ABCC5: variants seen among roughly 807,000 people sequenced by gnomAD.
ABCC5 encodes the protein ATP binding cassette subfamily C member 5.
ABCC5 carries 61 observed loss-of-function variants against 160.9 expected under a neutral mutation model. The observed-to-expected ratio is 0.38, with a 90% CI of 0.31 to 0.47. The LOEUF (loss-of-function observed/expected upper bound fraction) is 0.47, where lower values mean the gene tolerates loss of function less well. Among genes scored for constraint, ABCC5 ranks in the 20% least tolerant of loss-of-function variants. ABCC5 has a pLI of 0.99. For synonymous variants in ABCC5, 666 were observed against 700.6 expected (o/e 0.95, Z 0.78); for missense variants, 1,308 against 1,813.3 (o/e 0.72, Z 5.06).
intron 11 of ABCC5, 72 bp downstream of exon 11, chr3:183,971,491 A>G (rs1717738292): frequency 7.1e-7 from 1 of 1,401,728 alleles, no homozygotes; most frequent in Admixed American, 2.2e-5. Flanking sequence ...AAGGAACAGC[A>G]GCCGCCTATT....
intron 5 of ABCC5, chr3:183,985,420 T>TC (rs776920743): frequency 2.6e-6 from 4 of 1,537,842 alleles, no homozygotes; most frequent in Non-Finnish European, 2.7e-6. Context: ...ACAGAGAGAC[T>TC]CCCCCCAAAT....
chr3:183,929,033 C>A (rs555019654), intron 26 of ABCC5, among the ~76,000 whole-genome samples: 2 of 152,146 alleles, frequency 1.3e-5, no homozygotes, highest in African/African-American at 2.4e-5. Flanking sequence ...TTGATTTATT[C>A]TTTTACTATT....
At chr3:183,984,563 G>A (rs1226279037) in intron 5 of ABCC5, 3 of 1,316,826 alleles carry the variant, frequency 2.3e-6, no homozygotes, top group Non-Finnish European at 2.9e-6. Context: ...TAGGTCCTAG[G>A]AGATCCCCAC....
rs1033925003 is a variant in ABCC5, at chr3:183,949,057, T to C, written c.3227+696A>G. ...ACATACTCAAAGGTAGCATACAATA[T>C]ATTAATACACACATCTGTACTCTGC... is the stretch of plus-strand genomic sequence containing the variant. On this transcript the variant is annotated intron_variant, in intron 22 of 29. Coordinates refer to ENST00000334444, the MANE Select transcript of ABCC5 (RefSeq NM_005688.4). The surrounding 1 kb of genome is among the most constrained non-coding windows in gnomAD (Gnocchi z 4.2). Among the ~76,000 whole-genome samples the C allele has an allele frequency of 1.2e-4, 18 of 152,190 alleles. No homozygotes were observed. The highest frequency in any genetic ancestry group is 4.3e-4 in the African/African-American group (18 of 41,438).
chr3:183,926,254 G>A (rs1342195977), intron 28 of ABCC5, among the ~76,000 whole-genome samples: 1 of 145,278 alleles, frequency 6.9e-6, no homozygotes, highest in Non-Finnish European at 1.5e-5. Flanking sequence ...CAGCATATTT[G>A]TAAAATACTG....
At position 183,988,709 on chromosome 3, in the gene ABCC5, G is replaced by A. The variant is rs1719452796; in HGVS notation, c.306C>T (p.Asp102=). Reference sequence around the variant, plus strand: ...TCATACAGGAAAAAAGCCCAGCATTGTCCACTGGGTGCTGGTGTCTAAGGA... The same window carrying A: ...TCATACAGGAAAAAAGCCCAGCATTATCCACTGGGTGCTGGTGTCTAAGGA... ...RTTSKHQHPV[D]NAGLFSCMTF... Residue 102 remains aspartate (D), a synonymous_variant, in exon 4 of 30, where the codon GAC becomes GAT. Transcript: ENST00000334444. The surrounding 1 kb of genome is among the most constrained non-coding windows in gnomAD (Gnocchi z 4.4). 1 of 1,613,926 alleles carries A rather than the reference G, an allele frequency of 6.2e-7. No homozygotes were observed. Among genetic ancestry groups the A allele is most frequent in the African/African-American group, 1.3e-5 (1 of 74,924 alleles).
chr3:184,017,613 C>A lies in ABCC5; in HGVS notation c.-56+217G>T. 6.6e-6 allele frequency among the ~76,000 whole-genome samples: 1 copy of A among 152,020 alleles called. No homozygotes were observed. On this transcript the variant is annotated intron_variant, in intron 1 of 29. Coordinates refer to ENST00000334444, the MANE Select transcript of ABCC5 (RefSeq NM_005688.4). The surrounding 1 kb of genome is among the most constrained non-coding windows in gnomAD (Gnocchi z 4.5). ...CATCCCGATCCTACCTGCCTGTCTT[C>A]CAGCACACGACCCCGTCACCAGACC...
chr3:183,927,160 C>T (rs1419066377), intron 28 of ABCC5, among the ~76,000 whole-genome samples, 170 bp downstream of exon 28: 1 of 152,210 alleles, frequency 6.6e-6, no homozygotes, highest in African/African-American at 2.4e-5. Context: ...TCTCCCTCCC[C>T]AGAACCAATA....
chr3:183,944,036 A>G (rs1040358388), intron 24 of ABCC5, among the ~76,000 whole-genome samples: 4 of 152,236 alleles, frequency 2.6e-5, no homozygotes, highest in African/African-American at 9.6e-5. Flanking sequence ...CTGTCAAAAC[A>G]ATCAGTGAAG....
Position 183,982,957 on chromosome 3 carries a change from G to T in ABCC5, c.642C>A (p.Asn214Lys). 2 of 1,614,214 alleles carry T rather than the reference G, an allele frequency of 1.2e-6. No individual in the cohort carries two copies. Among genetic ancestry groups the T allele is most frequent in the Non-Finnish European group, 1.7e-6 (2 of 1,180,046 alleles). The change falls in exon 6 of 30, where the codon AAC (asparagine) becomes AAA (lysine). Residue 214 changes from asparagine (N) to lysine (K), a missense_variant. Asn to Lys is a moderately conservative substitution (Grantham distance 94). Transcript: ENST00000334444. The surrounding 1 kb of genome is among the most constrained non-coding windows in gnomAD (Gnocchi z 5.2). ...GCACTAACAACAAGCTGTACTGCAG[G>T]TTAGACTCTGTTGCCTGGGTATACT... ...LLEYTQATES[N>K]LQYSLLLVLG...
At chr3:183,983,064 C>T (rs903232686) in intron 5 of ABCC5, 57 bp from the exon 6 acceptor site, 11 of 1,462,832 alleles carry the variant, frequency 7.5e-6, no homozygotes, top group Non-Finnish European at 1.1e-5. Context: ...CACACAATGC[C>T]ATAGTTTTAT....
At chr3:183,934,152 A>G (rs1041362146) in intron 26 of ABCC5, among the ~76,000 whole-genome samples, 4 of 152,154 alleles carry the variant, frequency 2.6e-5, no homozygotes, top group Non-Finnish European at 5.9e-5. Flanking sequence ...CTAAAAATAC[A>G]AAAATTAGCT....
chr3:183,938,380 C>T (rs945240592), intron 25 of ABCC5, among the ~76,000 whole-genome samples: 1 of 151,932 alleles, frequency 6.6e-6, no homozygotes, highest in African/African-American at 2.4e-5. Flanking sequence ...CTCACTGCAA[C>T]CTCTGCCTCC....
chr3:184,008,744 CTG>C, intron 2 of ABCC5, among the ~76,000 whole-genome samples: 1 of 152,382 alleles, frequency 6.6e-6, no homozygotes, highest in East Asian at 1.9e-4. Flanking sequence ...ACCATGTAAT[CTG>C]CATCTTCACT....
rs757105329 is a variant in ABCC5, at chr3:183,961,553, G to A, written c.2337C>T (p.Thr779=). 4 of 1,614,190 alleles carry A rather than the reference G, an allele frequency of 2.5e-6. No individual in the cohort carries two copies. In the East Asian group the frequency reaches 6.7e-5, roughly 27 times the overall value. ...ELMNLNGDYA[T]IFNNLLLGET... is the part of the protein sequence containing the mutation. ...CTCCCAGCAACAGGTTATTAAAAAT[G>A]GTAGCATAGTCACCATTTAAATTCA... Residue 779 remains threonine, a synonymous_variant, in exon 16 of 30, where the codon ACC becomes ACT. Transcript: ENST00000334444.
At chr3:183,975,491 A>C (rs979764361) in intron 10 of ABCC5, among the ~76,000 whole-genome samples, 2 of 151,832 alleles carry the variant, frequency 1.3e-5, no homozygotes, top group African/African-American at 2.4e-5. Context: ...ACAGGCACAC[A>C]CCACCACACC....
chr3:183,937,997 A>G lies in ABCC5; in HGVS notation c.3758T>C (p.Ile1253Thr). Residue 1253 changes from isoleucine to threonine, a missense_variant, in exon 26 of 30, where the codon ATT (isoleucine) becomes ACT (threonine). Ile to Thr is a moderately conservative substitution (Grantham distance 89). This residue lies in a region of ABCC5 where 163 missense variants were observed against 269.7 expected (regional missense o/e 0.60). Transcript: ENST00000334444. ...AATATCACTGATTCTCACTCCATCA[A>G]TCTTGATGCAGCCTCCAGATAACTC... ...LVELSGGCIKIDGVRISDIGL... is the reference protein window; with the variant it reads ...LVELSGGCIKTDGVRISDIGL... 1.9e-6 allele frequency: 3 copies of G among 1,614,168 alleles called. No individual in the cohort carries two copies. Among genetic ancestry groups the G allele is most frequent in the Non-Finnish European group, 8.5e-7 (1 of 1,180,038 alleles).
At chr3:183,959,094 GTATT>G (rs1716502040) in intron 17 of ABCC5, among the ~76,000 whole-genome samples, 1 of 150,272 alleles carries the variant, frequency 6.7e-6, no homozygotes, top group Non-Finnish European at 1.5e-5. Flanking sequence ...GTGTTTGTGT[GTATT>G]TAAATTGACA....
intron 2 of ABCC5, among the ~76,000 whole-genome samples, chr3:183,996,905 G>A (rs1720333012): frequency 6.6e-6 from 1 of 152,064 alleles, no homozygotes; most frequent in African/African-American, 2.4e-5. Context: ...TGTCAATCTT[G>A]TTGTCATATC....
Sources: gnomAD v4.1 joint callset for allele counts (sites outside exome capture counted in the v4.1 genomes callset) on GRCh38, gnomAD v4.1.1 for gene constraint, gnomAD v4.1.1 regional missense constraint, Gnocchi (gnomAD v3.1) non-coding constraint, MANE v1.5 for transcripts, NCBI Gene and HGNC (gene_info 2026-07-23, HGNC 2026-07-21) for gene names.